PRSS41: variants seen among roughly 807,000 people sequenced by gnomAD.
PRSS41 encodes protease, serine 41.
In PRSS41, 37 loss-of-function variants were observed where a neutral mutation model predicts 28.8. That is an observed-to-expected ratio of 1.29 (90% CI 0.99 to 1.69). The LOEUF (loss-of-function observed/expected upper bound fraction) is 1.69. Ranked by LOEUF, PRSS41 falls within the 40% of genes most tolerant of loss-of-function variation. PRSS41 has a pLI of 0.00. For synonymous variants in PRSS41, 195 were observed against 163.1 expected (o/e 1.20, Z -1.49); for missense variants, 431 against 400.7 (o/e 1.08, Z -0.65).
chr16:2,805,295 G>T, exon 6 of PRSS41: 1 of 614,838 alleles, frequency 1.6e-6, no homozygotes, highest in Non-Finnish European at 2.9e-6. Flanking sequence ...AAATACGTGT[G>T]CATGTTCAAG....
chr16:2,804,400 C>T, exon 5 of PRSS41: 6 of 1,551,590 alleles, frequency 3.9e-6, no homozygotes, highest in Non-Finnish European at 4.4e-6. Flanking sequence ...ACCTCTGCCA[C>T]CTCCTTACAA....
At chr16:2,802,457 ACTC>A in intron 4 of PRSS41, among the ~76,000 whole-genome samples, 1 of 135,088 alleles carries the variant, frequency 7.4e-6, no homozygotes, top group East Asian at 2.3e-4. Flanking sequence ...AGGCAGAGAC[ACTC>A]CTCACTTCCC....
In PRSS41 at chr16:2,801,267, T is replaced by C. The variant is rs1489502367; in HGVS notation, c.541+1698T>C. On this transcript the variant is annotated intron_variant, in intron 4 of 5. Transcript: ENST00000399677. ...CGATCTGTTGTTAGGTATGAAGATA[T>C]TTATGATTGGTATATTTTCTTGATG... Among the ~76,000 whole-genome samples, 6 of 152,214 alleles carry C rather than the reference T, an allele frequency of 3.9e-5. No homozygotes were observed. The South Asian group carries it at 6.2e-4, about 16-fold the overall frequency.
At chr16:2,799,310 G>A (rs2068969936) in exon 4 of PRSS41, 2 of 1,551,438 alleles carry the variant, frequency 1.3e-6, no homozygotes, top group Non-Finnish European at 1.7e-6. Context: ...CCGAGTGGAC[G>A]GTCCAGCTGG....
chr16:2,799,071 A>T, exon 3 of PRSS41: 1 of 1,534,084 alleles, frequency 6.5e-7, no homozygotes, highest in South Asian at 1.2e-5. Flanking sequence ...ACCGATGTGG[A>T]GGGAGCCTGC....
intron 5 of PRSS41, among the ~76,000 whole-genome samples, 181 bp downstream of exon 5, chr16:2,804,727 C>T (rs936876926): frequency 3.9e-5 from 6 of 152,254 alleles, no homozygotes; most frequent in Non-Finnish European, 7.3e-5. Flanking sequence ...TCTGCCTACA[C>T]TGATTAACCC....
chr16:2,804,630 C>A, intron 5 of PRSS41, 84 bp downstream of exon 5: 1 of 1,323,246 alleles, frequency 7.6e-7, no homozygotes, highest in Non-Finnish European at 1.0e-6. Context: ...CCAACCACTC[C>A]CAACCCATTG....
chr16:2,803,898 T>G (rs537679754), intron 4 of PRSS41, among the ~76,000 whole-genome samples: 1 of 152,340 alleles, frequency 6.6e-6, no homozygotes, highest in African/African-American at 2.4e-5. Flanking sequence ...AGACTCTCCC[T>G]TTATCTTTTG....
chr16:2,801,952 G>T (rs1286104057), intron 4 of PRSS41, among the ~76,000 whole-genome samples: 4 of 149,594 alleles, frequency 2.7e-5, no homozygotes, highest in East Asian at 2.1e-4. Context: ...CGGACGGGGC[G>T]GCTGGCCGGG....
At chr16:2,798,997 G>A in exon 3 of PRSS41, 1 of 1,532,514 alleles carries the variant, frequency 6.5e-7, no homozygotes, top group South Asian at 1.2e-5. Flanking sequence ...GCTGGTGGCG[G>A]GCGGAGTGGA....
At chr16:2,801,870 G>A (rs1311436017) in intron 4 of PRSS41, among the ~76,000 whole-genome samples, 4 of 152,208 alleles carry the variant, frequency 2.6e-5, no homozygotes, top group African/African-American at 7.2e-5. Flanking sequence ...CCTCCCAGAC[G>A]GGGTGGTGGC....
At position 2,798,630 on chromosome 16, in the gene PRSS41, C is replaced by G. The variant is rs1567266894; in HGVS notation, c.65-6C>G. On this transcript the variant is annotated splice_polypyrimidine_tract_variant and splice_region_variant and intron_variant, in intron 1 of 5. Transcript: ENST00000399677. ...GGCCGCGAGGGTCACTTCTTGTGTC[C>G]TGCAGAGTCGCAGGAGGAGGAGCTG... is the stretch of plus-strand genomic sequence containing the variant. The G allele has an allele frequency of 6.6e-7, 1 of 1,507,096 alleles. No homozygotes were observed. The highest frequency in any genetic ancestry group is 2.6e-5 in the East Asian group (1 of 38,132). The allele number at this position is 1,507,096 out of a possible 1,614,324, so 93.4% of individuals were successfully genotyped here.
At chr16:2,802,478 A>G (rs1384562114) in intron 4 of PRSS41, among the ~76,000 whole-genome samples, 49 of 151,570 alleles carry the variant, frequency 3.2e-4, no homozygotes, top group East Asian at 5.8e-4. Flanking sequence ...CCCAGACGGG[A>G]TGGCGGCCGG....
chr16:2,800,133 C>T (rs1341146682), intron 4 of PRSS41, among the ~76,000 whole-genome samples: 1 of 152,202 alleles, frequency 6.6e-6, no homozygotes, highest in African/African-American at 2.4e-5. Flanking sequence ...GCTCCTGGGC[C>T]ACAAACCTGT....
At chr16:2,798,727 T>A in intron 2 of PRSS41, 65 bp downstream of exon 2, 1 of 1,353,446 alleles carries the variant, frequency 7.4e-7, no homozygotes, top group Non-Finnish European at 9.7e-7. Context: ...GGGGCCCATC[T>A]ACTGCTCTCT....
rs747908528 is a variant in PRSS41, at chr16:2,799,244, C to T, written c.258-42C>T. The T allele has an allele frequency of 9.1e-6, 14 of 1,544,146 alleles. No individual in the cohort carries two copies. The African/African-American group carries it at 1.6e-4, about 18-fold the overall frequency. On this transcript the variant is annotated intron_variant, in intron 3 of 5. Coordinates refer to ENST00000399677, the Ensembl canonical transcript of PRSS41. Reference sequence around the variant, plus strand: ...CCTCCAGCGTGCTCAGGCGGCCAGCCCCCTATTCCAAGGCTCCCCGCCCTC... The same window carrying T: ...CCTCCAGCGTGCTCAGGCGGCCAGCTCCCTATTCCAAGGCTCCCCGCCCTC...
At chr16:2,804,924 G>A (rs1376009054) in exon 6 of PRSS41, 3 of 1,583,556 alleles carry the variant, frequency 1.9e-6, no homozygotes. Flanking sequence ...GGTGACTCAG[G>A]TGGACCCTTG....
intron 4 of PRSS41, among the ~76,000 whole-genome samples, chr16:2,803,939 A>C (rs557147249): frequency 1.3e-4 from 20 of 152,126 alleles, no homozygotes; most frequent in African/African-American, 4.6e-4. Flanking sequence ...CTCAGTGTAA[A>C]TCTCTTTGTG....
chr16:2,804,077 C>A (rs2069005239), intron 4 of PRSS41, among the ~76,000 whole-genome samples: 1 of 152,178 alleles, frequency 6.6e-6, no homozygotes, highest in South Asian at 2.1e-4. Flanking sequence ...CTACTGTAGC[C>A]CTTCTTCCTG....
Sources: allele counts gnomAD v4.1 joint callset (sites outside exome capture counted in the v4.1 genomes callset), GRCh38; gene constraint gnomAD v4.1.1; transcripts MANE v1.5; gene names NCBI Gene and HGNC (gene_info 2026-07-23, HGNC 2026-07-21).